The following ATP9B variants were observed in gnomAD, a reference collection of about 807,000 sequenced individuals.
ATP9B encodes the protein ATPase phospholipid transporting 9B.
ATP9B carries 110 observed loss-of-function variants against 146.1 expected under a neutral mutation model. The ratio of observed to expected loss-of-function variants is 0.75; its 90% CI spans 0.65 to 0.88. The LOEUF is 0.88. Ranked by LOEUF, ATP9B falls within the 40% of genes least tolerant of loss-of-function variation. The pLI is 0.00. For synonymous variants in ATP9B, 604 were observed against 569.7 expected, an observed-to-expected ratio of 1.06 and a Z score of -0.86; for missense variants, 1,499 against 1,496.4, an observed-to-expected ratio of 1.00 and a Z score of -0.03.
At chr18:79,148,361 C>A (rs950569163) in intron 6 of ATP9B, among the ~76,000 whole-genome samples, 1 of 152,220 alleles carries the variant, frequency 6.6e-6, no homozygotes, top group Non-Finnish European at 1.5e-5. Flanking sequence ...AAAACTGCAG[C>A]CCAGTTGGTA....
chr18:79,069,552 C>G (rs2071452229), intron 1 of ATP9B, 23 bp downstream of exon 1: 1 of 1,288,084 alleles, frequency 7.8e-7, no homozygotes, highest in Middle Eastern at 3.0e-4. Context: ...GCACTGGCCC[C>G]GTTCCCCGCC....
At chr18:79,313,538 A>G (rs2146715376) in intron 15 of ATP9B, among the ~76,000 whole-genome samples, 1 of 152,380 alleles carries the variant, frequency 6.6e-6, no homozygotes, top group South Asian at 2.1e-4. Flanking sequence ...TTTTTCCCAA[A>G]GAAAACTGTA....
chr18:79,244,577 T>A (rs1442693985), intron 11 of ATP9B, among the ~76,000 whole-genome samples: 2 of 152,202 alleles, frequency 1.3e-5, no homozygotes, highest in African/African-American at 4.8e-5. Context: ...TAATAGAATC[T>A]GATGACATTT....
At chr18:79,329,016 T>G in intron 15 of ATP9B, 125 bp from the exon 16 acceptor site, 1 of 1,049,338 alleles carries the variant, frequency 9.5e-7, no homozygotes, top group Non-Finnish European at 1.3e-6. Flanking sequence ...CAAAAAGTTC[T>G]GAACACCTAA....
At chr18:79,134,654 A>G (rs1568248508) in intron 5 of ATP9B, among the ~76,000 whole-genome samples, 1 of 152,198 alleles carries the variant, frequency 6.6e-6, no homozygotes, top group Non-Finnish European at 1.5e-5. Flanking sequence ...TCCAGTTAAA[A>G]AAGTTTCATT....
chr18:79,322,999 A>G (rs1436201959), intron 15 of ATP9B, among the ~76,000 whole-genome samples: 1 of 152,232 alleles, frequency 6.6e-6, no homozygotes, highest in Non-Finnish European at 1.5e-5. Flanking sequence ...GTACATACTT[A>G]TGGGGTACAT....
intron 15 of ATP9B, among the ~76,000 whole-genome samples, chr18:79,313,224 G>A (rs559362833): frequency 2.6e-5 from 4 of 152,332 alleles, no homozygotes; most frequent in South Asian, 2.1e-4. Flanking sequence ...GAATCTGAGC[G>A]AAGAGGCGTA....
chr18:79,261,711 C>T (rs2096143544), intron 12 of ATP9B, among the ~76,000 whole-genome samples: 1 of 152,162 alleles, frequency 6.6e-6, no homozygotes, highest in South Asian at 2.1e-4. Flanking sequence ...ATCCCCTGCT[C>T]TTGGCAAGGT....
chr18:79,118,749 T>C (rs529016151), intron 4 of ATP9B, among the ~76,000 whole-genome samples: 5 of 152,152 alleles, frequency 3.3e-5, no homozygotes, highest in African/African-American at 1.2e-4. Context: ...TTTTTTTCTA[T>C]TCATAGCTTT....
intron 12 of ATP9B, among the ~76,000 whole-genome samples, chr18:79,256,257 CTATATATATA>C (rs10531617): frequency 1.3e-4 from 13 of 100,372 alleles, no homozygotes; most frequent in Admixed American, 4.0e-4. Flanking sequence ...TTCTAGCTAG[CTATATATATA>C]TATATATATA....
At chr18:79,180,752 T>A (rs1158222579) in intron 8 of ATP9B, among the ~76,000 whole-genome samples, 1 of 151,496 alleles carries the variant, frequency 6.6e-6, no homozygotes, top group Non-Finnish European at 1.5e-5. Context: ...AGATTGTCAG[T>A]TTTTGTTTGT....
chr18:79,356,770 A>C lies in ATP9B; in HGVS notation c.2904-2584A>C, dbSNP rs73971811. Reference sequence around the variant, plus strand: ...AGCAGAGGGAAGTGGTTGCAGCTGCAGAGCAGCCGCAGGAGGGACCCTGTG... The same window carrying C: ...AGCAGAGGGAAGTGGTTGCAGCTGCCGAGCAGCCGCAGGAGGGACCCTGTG... On this transcript the variant is annotated intron_variant, in intron 25 of 29. Transcript: ENST00000426216. Among the ~76,000 whole-genome samples, 216 of 146,930 alleles carry C rather than the reference A, an allele frequency of 1.5e-3. 3 individuals carry two copies. The highest frequency in any genetic ancestry group is 5.1e-3 in the African/African-American group (205 of 40,314).
intron 1 of ATP9B, among the ~76,000 whole-genome samples, chr18:79,076,975 C>T (rs958041619): frequency 6.6e-6 from 1 of 152,200 alleles, no homozygotes; most frequent in Non-Finnish European, 1.5e-5. Flanking sequence ...GATTCTTCCT[C>T]ATACTAGCAG....
rs369775810 is a variant in ATP9B at position 79,377,210 on chromosome 18, G to A, written c.3308-37G>A. On this transcript the variant is annotated intron_variant, in intron 29 of 29. Transcript: ENST00000426216. Reference sequence around the variant, plus strand: ...GGCCATGAGGGCCCAGGACTTCTTGGTCAGCTCTTACCTTTTTCTCTGTTT... The same window carrying A: ...GGCCATGAGGGCCCAGGACTTCTTGATCAGCTCTTACCTTTTTCTCTGTTT... 1.5e-5 allele frequency: 24 copies of A among 1,607,386 alleles called. No individual in the cohort carries two copies. In the African/African-American group the frequency reaches 2.9e-4, roughly 20 times the overall value.
intron 17 of ATP9B, among the ~76,000 whole-genome samples, chr18:79,334,047 A>G (rs1253489884): frequency 6.6e-6 from 1 of 152,170 alleles, no homozygotes; most frequent in Non-Finnish European, 1.5e-5. Flanking sequence ...ATCTTAAAGT[A>G]TGTTAGCCCT....
At chr18:79,233,573 G>C (rs566380417) in intron 11 of ATP9B, among the ~76,000 whole-genome samples, 1 of 152,336 alleles carries the variant, frequency 6.6e-6, no homozygotes, top group Non-Finnish European at 1.5e-5. Context: ...TCCTGTCACA[G>C]TGAATTACCC....
chr18:79,190,545 C>CAT (rs57466722), intron 8 of ATP9B, among the ~76,000 whole-genome samples: 1 of 97,088 alleles, frequency 1.0e-5, no homozygotes, highest in African/African-American at 3.6e-5. Flanking sequence ...CACACACACA[C>CAT]ATATACATAT....
chr18:79,226,436 C>T (rs2095735048), intron 11 of ATP9B, among the ~76,000 whole-genome samples: 1 of 152,242 alleles, frequency 6.6e-6, no homozygotes, highest in African/African-American at 2.4e-5. Flanking sequence ...ACAAAATGTG[C>T]AGGTAGATGT....
At chr18:79,199,624 G>C (rs112537357) in intron 9 of ATP9B, among the ~76,000 whole-genome samples, 1 of 152,034 alleles carries the variant, frequency 6.6e-6, no homozygotes. Flanking sequence ...TTAGCTGGGC[G>C]TGGTGGCACA....
Sources: allele counts gnomAD v4.1 joint callset (sites outside exome capture counted in the v4.1 genomes callset), GRCh38; gene constraint gnomAD v4.1.1; transcripts MANE v1.5; gene names NCBI Gene and HGNC (gene_info 2026-07-23, HGNC 2026-07-21).